The following ADAM18 variants were observed in gnomAD, a reference collection of about 807,000 sequenced individuals.
The protein encoded by ADAM18 is disintegrin and metalloproteinase domain-containing protein 18.
Under a neutral mutation model 94.4 loss-of-function variants are expected in ADAM18, and 117 were observed. The observed-to-expected ratio is 1.24, with a 90% CI of 1.07 to 1.45. The LOEUF (loss-of-function observed/expected upper bound fraction) is 1.45, where lower values mean the gene tolerates loss of function less well. Ranked by LOEUF, ADAM18 falls within the 40% of genes most tolerant of loss-of-function variation. The probability of loss-of-function intolerance (pLI) is 0.00; values close to 1 mark genes in which losing one functional copy is unlikely to be tolerated. For synonymous variants in ADAM18, 327 were observed against 291.6 expected (o/e 1.12, Z -1.24); for missense variants, 936 against 880.0 (o/e 1.06, Z -0.81).
rs779351803 is a variant in ADAM18, at chr8:39,584,572, C to A, written c.-51C>A. ...CGAGAGCCTGCCCGCGAGCTCAACG[C>A]TGCTCAACGGTCTCTGTCCTTGGCT... On this transcript the variant is annotated 5_prime_UTR_variant, in exon 1 of 20. It adds an upstream start codon to the 5' untranslated region. Coordinates refer to ENST00000265707, the MANE Select transcript of ADAM18 (RefSeq NM_014237.3). 6.2e-7 allele frequency: 1 copy of A among 1,604,388 alleles called. No homozygotes were observed. The highest frequency in any genetic ancestry group is 1.7e-5 in the Admixed American group (1 of 60,024).
chr8:39,612,476 G>T (rs912900493), intron 6 of ADAM18, among the ~76,000 whole-genome samples: 1 of 152,140 alleles, frequency 6.6e-6, no homozygotes, highest in Admixed American at 6.5e-5. Flanking sequence ...ACTTGATCTG[G>T]CAGAGAGAGC....
chr8:39,586,513 C>T (rs79723026), intron 2 of ADAM18, among the ~76,000 whole-genome samples: 2,052 of 152,310 alleles, frequency 0.013, 24 homozygotes, highest in Middle Eastern at 0.041. Flanking sequence ...TGGAGGATCG[C>T]TTGAGCCTAG....
chr8:39,600,662 T>G (rs1443825150), intron 2 of ADAM18, among the ~76,000 whole-genome samples: 1 of 152,252 alleles, frequency 6.6e-6, no homozygotes, highest in Non-Finnish European at 1.5e-5. Context: ...CGAGCCTTAA[T>G]AAGACTGAAT....
chr8:39,616,503 G>T (rs28864395), intron 6 of ADAM18, among the ~76,000 whole-genome samples: 1 of 152,018 alleles, frequency 6.6e-6, no homozygotes, highest in Non-Finnish European at 1.5e-5. Flanking sequence ...CGTTTTTCAC[G>T]CAATTAGACA....
intron 2 of ADAM18, among the ~76,000 whole-genome samples, chr8:39,594,495 G>T (rs1277334650): frequency 2.0e-5 from 3 of 151,958 alleles, no homozygotes; most frequent in African/African-American, 7.2e-5. Context: ...TTTTCTTAGT[G>T]TAGGTTTGTA....
At chr8:39,587,147 T>G (rs1818426618) in intron 2 of ADAM18, among the ~76,000 whole-genome samples, 1 of 152,246 alleles carries the variant, frequency 6.6e-6, no homozygotes, top group African/African-American at 2.4e-5. Context: ...ACCCATGATA[T>G]CATGACCACA....
intron 13 of ADAM18, among the ~76,000 whole-genome samples, chr8:39,664,574 A>G (rs1820939715): frequency 6.6e-6 from 1 of 152,148 alleles, no homozygotes; most frequent in Admixed American, 6.5e-5. Flanking sequence ...CCAAAAAGTT[A>G]TTAACTCTCA....
intron 12 of ADAM18, among the ~76,000 whole-genome samples, chr8:39,654,153 CCTTTTTT>C (rs1398836577): frequency 2.5e-5 from 3 of 118,770 alleles, no homozygotes. Context: ...GGATTTCATT[CCTTTTTT>C]TTTTTTTTTT....
chr8:39,716,084 TTC>T (rs920289307), intron 18 of ADAM18, among the ~76,000 whole-genome samples: 2 of 151,986 alleles, frequency 1.3e-5, no homozygotes, highest in Non-Finnish European at 2.9e-5. Context: ...TATTTGCATT[TTC>T]TCTCTCTCTT....
chr8:39,585,322 G>A lies in ADAM18; in HGVS notation c.102G>A (p.Lys34=), dbSNP rs773790345. The A allele has an allele frequency of 2.5e-6, 4 of 1,613,602 alleles. No homozygotes were observed. Among genetic ancestry groups the A allele is most frequent in the East Asian group, 2.2e-5 (1 of 44,856 alleles). ...ATGTCACAGTTCCACGGAAGATTAA[G>A]TCAAATGACAGTGAAGTTTCAGAGA... ...FLHVTVPRKI[K]SNDSEVSERK... The change falls in exon 2 of 20, where the codon AAG becomes AAA. Residue 34 remains lysine (K), a synonymous_variant. Transcript: ENST00000265707.
intron 14 of ADAM18, among the ~76,000 whole-genome samples, chr8:39,674,639 T>C (rs1296774647): frequency 6.6e-6 from 1 of 152,236 alleles, no homozygotes; most frequent in East Asian, 1.9e-4. Context: ...GTTAATATTG[T>C]TATGTGTGAA....
intron 12 of ADAM18, among the ~76,000 whole-genome samples, chr8:39,652,404 A>G (rs1820562715): frequency 6.6e-6 from 1 of 152,196 alleles, no homozygotes; most frequent in Non-Finnish European, 1.5e-5. Context: ...ACATTGCTCA[A>G]AATAAGACAA....
intron 9 of ADAM18, among the ~76,000 whole-genome samples, chr8:39,638,214 A>G (rs991382651): frequency 6.6e-6 from 1 of 151,920 alleles, no homozygotes; most frequent in Non-Finnish European, 1.5e-5. Flanking sequence ...ATAAAATTAT[A>G]TCCATTTTAG....
At chr8:39,637,399 A>G in intron 8 of ADAM18, 64 bp downstream of exon 8, 3 of 1,490,922 alleles carry the variant, frequency 2.0e-6, no homozygotes, top group Admixed American at 2.0e-5. Flanking sequence ...TTTGGGTTCT[A>G]TCTTGGCCAA....
intron 17 of ADAM18, among the ~76,000 whole-genome samples, chr8:39,699,289 C>T (rs1324669124): frequency 6.6e-6 from 1 of 151,956 alleles, no homozygotes; most frequent in Admixed American, 6.6e-5. Context: ...CATATTCATT[C>T]TACGTTCATG....
chr8:39,617,184 G>A (rs1002325763), intron 6 of ADAM18, among the ~76,000 whole-genome samples: 7 of 151,878 alleles, frequency 4.6e-5, no homozygotes, highest in Non-Finnish European at 1.0e-4. Flanking sequence ...ATGAACAAAG[G>A]ACATGAACAA....
chr8:39,705,507 T>A (rs1221709984), intron 17 of ADAM18, among the ~76,000 whole-genome samples: 1 of 152,064 alleles, frequency 6.6e-6, no homozygotes, highest in Non-Finnish European at 1.5e-5. Flanking sequence ...GGAGGATTAC[T>A]TGAGCCCAGG....
At chr8:39,668,233 T>C in intron 14 of ADAM18, 37 bp downstream of exon 14, 3 of 1,589,056 alleles carry the variant, frequency 1.9e-6, no homozygotes, top group Non-Finnish European at 2.6e-6. Flanking sequence ...TTACCTTACA[T>C]TTGCATCTCT....
chr8:39,728,458 G>C (rs1822982577), intron 19 of ADAM18, among the ~76,000 whole-genome samples: 1 of 152,106 alleles, frequency 6.6e-6, no homozygotes, highest in African/African-American at 2.4e-5. Context: ...AAGTCATAGA[G>C]AGTCAGAAAG....
Sources: gnomAD v4.1 joint callset for allele counts (sites outside exome capture counted in the v4.1 genomes callset) on GRCh38, gnomAD v4.1.1 for gene constraint, MANE v1.5 for transcripts, NCBI Gene and HGNC (gene_info 2026-07-23, HGNC 2026-07-21) for gene names.